VPS13C: variants seen among roughly 807,000 people sequenced by gnomAD.
VPS13C encodes vacuolar protein sorting 13 homolog C, also known as intermembrane lipid transfer protein VPS13C.
Under a neutral mutation model 456.8 loss-of-function variants are expected in VPS13C, and 358 were observed. The ratio of observed to expected loss-of-function variants is 0.78; its 90% CI spans 0.72 to 0.86. The LOEUF is 0.86. Ranked by LOEUF, VPS13C falls within the 40% of genes least tolerant of loss-of-function variation. The pLI is 0.00. For synonymous variants in VPS13C, 1,578 were observed against 1,486.7 expected, an observed-to-expected ratio of 1.06 and a Z score of -1.41; for missense variants, 4,818 against 4,385.4, an observed-to-expected ratio of 1.10 and a Z score of -2.79.
intron 19 of VPS13C, among the ~76,000 whole-genome samples, chr15:61,984,496 G>A (rs1469140390): frequency 6.6e-6 from 1 of 152,128 alleles, no homozygotes; most frequent in Non-Finnish European, 1.5e-5. Context: ...CCTTAGAGCT[G>A]TCTAATGTTA....
chr15:61,922,705 T>C lies in VPS13C; in HGVS notation c.6667A>G (p.Thr2223Ala). ...LTIMAALSPK[T>A]KEDGSKDTSK... ...GTATCTTTGGATCCATCTTCTTTTG[T>C]TTTTGGAGACAATGCAGCCATGATT... Residue 2223 changes from threonine to alanine, a missense_variant, in exon 54 of 85, where the codon ACA becomes GCA. Around this residue, in one of 3 missense-constraint regions of VPS13C, gnomAD observed 4,552 missense variants for 4,130.6 expected, o/e 1.10. Transcript: ENST00000644861. 1 of 1,613,778 alleles carries C rather than the reference T, an allele frequency of 6.2e-7. No individual in the cohort carries two copies. Among genetic ancestry groups the C allele is most frequent in the Non-Finnish European group, 8.5e-7 (1 of 1,179,862 alleles).
rs1400518164 is a variant in VPS13C at position 61,940,792 on chromosome 15, G to C, written c.5456C>G (p.Thr1819Ser). The change falls in exon 47 of 85, where the codon ACT becomes AGT. Residue 1819 changes from threonine to serine, a missense_variant and splice_region_variant. Thr to Ser is a moderately conservative substitution (Grantham distance 58, BLOSUM62 1). Around this residue, in one of 3 missense-constraint regions of VPS13C, gnomAD observed 4,552 missense variants for 4,130.6 expected, o/e 1.10. Transcript: ENST00000644861. ...IELTQLKLSR[T>S]ILQASLPQND... ...TTGTGGCAAGCTAGCCTGCAAAATA[G>C]TTCTGAAAGAAAAACAAGAATTTAT... 6.2e-7 allele frequency: 1 copy of C among 1,606,114 alleles called. No individual in the cohort carries two copies. Among genetic ancestry groups the C allele is most frequent in the Non-Finnish European group, 8.5e-7 (1 of 1,176,302 alleles).
At chr15:62,008,906 A>G (rs1403253755) in intron 13 of VPS13C, 145 bp from the exon 14 acceptor site, 8 of 404,266 alleles carry the variant, frequency 2.0e-5, no homozygotes, top group Middle Eastern at 6.5e-4. Flanking sequence ...TATTTCATCA[A>G]ATTTAAGATG....
chr15:61,950,323 C>T (rs755017613), intron 41 of VPS13C, 35 bp downstream of exon 41: 5 of 1,534,692 alleles, frequency 3.3e-6, no homozygotes, highest in Middle Eastern at 1.7e-4. Context: ...ATAATCAACA[C>T]AACCCAACCT....
chr15:62,022,121 C>T (rs1273534673), intron 8 of VPS13C, among the ~76,000 whole-genome samples: 2 of 151,896 alleles, frequency 1.3e-5, no homozygotes, highest in East Asian at 3.9e-4. Flanking sequence ...CTTTGACATA[C>T]TGACTTCAAT....
chr15:62,047,412 TG>T (rs2048449683), intron 1 of VPS13C, among the ~76,000 whole-genome samples: 2 of 150,856 alleles, frequency 1.3e-5, no homozygotes, highest in Non-Finnish European at 2.9e-5. Context: ...CACTCCAGCC[TG>T]GGTGACAGCA....
intron 67 of VPS13C, among the ~76,000 whole-genome samples, 158 bp from the exon 68 acceptor site, chr15:61,884,427 A>G (rs927436375): frequency 1.3e-5 from 2 of 152,148 alleles, no homozygotes; most frequent in Non-Finnish European, 2.9e-5. Context: ...TTGCAAGAGT[A>G]CAAAAAGAAA....
At chr15:61,987,134 G>A (rs2046080784) in intron 18 of VPS13C, among the ~76,000 whole-genome samples, 1 of 151,202 alleles carries the variant, frequency 6.6e-6, no homozygotes, top group Non-Finnish European at 1.5e-5. Flanking sequence ...AAAGCAGCAT[G>A]TACTTTTGAA....
intron 66 of VPS13C, among the ~76,000 whole-genome samples, chr15:61,896,738 G>A (rs1010053128): frequency 3.9e-5 from 6 of 152,212 alleles, no homozygotes; most frequent in African/African-American, 1.4e-4. Context: ...CTCGAACTGG[G>A]TGTAGCCCAC....
In VPS13C at chr15:61,938,935, T is replaced by C. The variant is rs145322352; in HGVS notation, c.5601+1712A>G. Among the ~76,000 whole-genome samples the C allele has an allele frequency of 2.3e-3, 357 of 152,328 alleles. 2 individuals carry two copies. The highest frequency in any genetic ancestry group is 8.2e-3 in the African/African-American group (340 of 41,582). On this transcript the variant is annotated intron_variant, in intron 47 of 84. Coordinates refer to ENST00000644861, the MANE Select transcript of VPS13C (RefSeq NM_020821.3). Reference sequence around the variant, plus strand: ...CTCTTATAAACAATATATAATAGTATTATATTGCCTGTTGAAAATCTGAAA... The same window carrying C: ...CTCTTATAAACAATATATAATAGTACTATATTGCCTGTTGAAAATCTGAAA...
At chr15:61,934,910 C>T (rs1161653209) in intron 48 of VPS13C, among the ~76,000 whole-genome samples, 2 of 152,028 alleles carry the variant, frequency 1.3e-5, no homozygotes, top group African/African-American at 4.8e-5. Flanking sequence ...GCCACCACTC[C>T]CGGCTAATTT....
Position 61,929,269 on chromosome 15 carries a change from G to A in VPS13C, c.6286+232C>T, listed in dbSNP as rs17271235. 0.46 allele frequency among the ~76,000 whole-genome samples: 69,940 copies of A among 152,034 alleles called. 16,346 individuals are homozygous for A. The highest frequency in any genetic ancestry group is 0.65 in the Middle Eastern group (189 of 292). On this transcript the variant is annotated intron_variant, in intron 51 of 84. Coordinates refer to ENST00000644861, the MANE Select transcript of VPS13C (RefSeq NM_020821.3). ...TTCATTTCTGGATCAGTAAAGAAAT[G>A]TTCATGGCACAGTTGGAACCAGCGG...
intron 79 of VPS13C, among the ~76,000 whole-genome samples, chr15:61,870,111 T>A (rs1311436821): frequency 6.6e-6 from 1 of 152,220 alleles, no homozygotes; most frequent in Non-Finnish European, 1.5e-5. Flanking sequence ...ACAAATTAAA[T>A]TTTAGGATAA....
chr15:61,971,676 TAGAC>T (rs1596402251), intron 27 of VPS13C, among the ~76,000 whole-genome samples: 2 of 152,328 alleles, frequency 1.3e-5, no homozygotes, highest in African/African-American at 2.4e-5. Context: ...TACAGTGACT[TAGAC>T]AGTACAGTAG....
intron 3 of VPS13C, among the ~76,000 whole-genome samples, chr15:62,039,463 A>T (rs1417499897): frequency 3.3e-5 from 5 of 152,140 alleles, no homozygotes; most frequent in Admixed American, 6.6e-5. Flanking sequence ...CAAGTAAGAG[A>T]TAAGGAATTA....
intron 65 of VPS13C, 152 bp downstream of exon 65, chr15:61,908,840 C>T (rs1249793601): frequency 1.2e-6 from 1 of 840,184 alleles, no homozygotes; most frequent in Non-Finnish European, 1.7e-6. Context: ...AGAGTGTTAT[C>T]TCAAAACATG....
intron 66 of VPS13C, among the ~76,000 whole-genome samples, chr15:61,904,644 A>C (rs1390319160): frequency 6.6e-6 from 1 of 152,136 alleles, no homozygotes; most frequent in Non-Finnish European, 1.5e-5. Context: ...TGCTTGGTAT[A>C]TATCCCAATG....
intron 11 of VPS13C, among the ~76,000 whole-genome samples, chr15:62,012,805 T>C (rs2047093158): frequency 6.6e-6 from 1 of 151,930 alleles, no homozygotes; most frequent in South Asian, 2.1e-4. Context: ...TTTAATTTAA[T>C]ACCATGGGCT....
At chr15:61,889,291 A>G (rs1896498408) in intron 67 of VPS13C, among the ~76,000 whole-genome samples, 1 of 152,114 alleles carries the variant, frequency 6.6e-6, no homozygotes, top group Admixed American at 6.6e-5. Context: ...ACTCAAATAT[A>G]TAACAAAGAA....
Sources: gnomAD v4.1 joint callset for allele counts (sites outside exome capture counted in the v4.1 genomes callset) on GRCh38, gnomAD v4.1.1 for gene constraint, gnomAD v4.1.1 regional missense constraint, MANE v1.5 for transcripts, NCBI Gene and HGNC (gene_info 2026-07-23, HGNC 2026-07-21) for gene names.